CFAP20DC: variants seen among roughly 807,000 people sequenced by gnomAD.
CFAP20DC encodes CFAP20 domain containing.
In CFAP20DC, 84 loss-of-function variants were observed where a neutral mutation model predicts 101.7. That is an observed-to-expected ratio of 0.83 (90% confidence interval 0.69 to 0.99). CFAP20DC has a LOEUF of 0.99. Among genes scored for constraint, CFAP20DC ranks in the 50% least tolerant of loss-of-function variants. The pLI is 0.00. For synonymous variants in CFAP20DC, 359 were observed against 351.2 expected, an observed-to-expected ratio of 1.02 and a Z score of -0.25; for missense variants, 1,007 against 970.3, an observed-to-expected ratio of 1.04 and a Z score of -0.50.
chr3:58,777,316 T>C (rs370023841), intron 15 of CFAP20DC, among the ~76,000 whole-genome samples: 122 of 152,326 alleles, frequency 8.0e-4, no homozygotes, highest in Middle Eastern at 3.4e-3. Flanking sequence ...CTGATTGATG[T>C]CTGAAGTCTC....
intron 15 of CFAP20DC, among the ~76,000 whole-genome samples, chr3:58,777,788 G>A (rs1575613514): frequency 2.0e-5 from 3 of 152,238 alleles, no homozygotes; most frequent in African/African-American, 7.2e-5. Flanking sequence ...AGTAGAGCCT[G>A]TTGACCCTTG....
chr3:58,931,352 C>A (rs200893060), intron 5 of CFAP20DC, among the ~76,000 whole-genome samples: 1 of 150,868 alleles, frequency 6.6e-6, no homozygotes, highest in Non-Finnish European at 1.5e-5. Context: ...AGGGCACAGA[C>A]AAACAAAAAG....
intron 13 of CFAP20DC, among the ~76,000 whole-genome samples, chr3:58,835,313 G>A (rs1390209165): frequency 6.6e-6 from 1 of 152,094 alleles, no homozygotes; most frequent in Non-Finnish European, 1.5e-5. Flanking sequence ...ACCGCCCAGT[G>A]GAATTAGAAA....
At chr3:59,008,819 C>T (rs1419347846) in intron 4 of CFAP20DC, among the ~76,000 whole-genome samples, 1 of 151,670 alleles carries the variant, frequency 6.6e-6, no homozygotes, top group Non-Finnish European at 1.5e-5. Flanking sequence ...ATGTAACAAA[C>T]CTGCACATTG....
intron 15 of CFAP20DC, among the ~76,000 whole-genome samples, chr3:58,786,767 G>A (rs1033772365): frequency 7.7e-5 from 11 of 142,318 alleles, no homozygotes; most frequent in South Asian, 2.4e-4. Flanking sequence ...AAAAGTTCCC[G>A]ACTTAATAAG....
rs1432345718 is a variant in CFAP20DC, at chr3:59,001,839, T to C, written c.278+37718A>G. On this transcript the variant is annotated intron_variant, in intron 4 of 16. Coordinates refer to ENST00000482387, the MANE Select transcript of CFAP20DC (RefSeq NM_001394063.1). The surrounding 1 kb of genome is among the most constrained non-coding windows in gnomAD (Gnocchi z 4.5). ...GAAAGGGAAGTACCTGATGTTACTATAGTAATCAGTGGGCTTCCTGGGCTC... is the reference window on the plus strand; with the variant it reads ...GAAAGGGAAGTACCTGATGTTACTACAGTAATCAGTGGGCTTCCTGGGCTC... 2.0e-5 allele frequency among the ~76,000 whole-genome samples: 3 copies of C among 152,134 alleles called. No individual in the cohort carries two copies. Among genetic ancestry groups the C allele is most frequent in the African/African-American group, 7.2e-5 (3 of 41,416 alleles).
chr3:58,915,773 C>T (rs1319665088), intron 5 of CFAP20DC, among the ~76,000 whole-genome samples: 9 of 152,050 alleles, frequency 5.9e-5, no homozygotes, highest in Non-Finnish European at 2.9e-5. Context: ...AAGTTTGATA[C>T]GAAATACAGT....
At chr3:58,748,900 G>T (rs1446068089) in intron 16 of CFAP20DC, among the ~76,000 whole-genome samples, 1 of 152,138 alleles carries the variant, frequency 6.6e-6, no homozygotes, top group Admixed American at 6.6e-5. Flanking sequence ...ACCCAGGCTA[G>T]CCCCTTACCT....
At chr3:58,974,981 T>C (rs1209810950) in intron 4 of CFAP20DC, among the ~76,000 whole-genome samples, 1 of 152,206 alleles carries the variant, frequency 6.6e-6, no homozygotes. Context: ...CTTCGGCCTC[T>C]TGAACCTGGT....
At chr3:58,759,675 G>A (rs369423619) in intron 15 of CFAP20DC, among the ~76,000 whole-genome samples, 5 of 152,106 alleles carry the variant, frequency 3.3e-5, no homozygotes, top group African/African-American at 9.7e-5. Context: ...TAGGTCTAAC[G>A]TTTAAGTCTT....
intron 15 of CFAP20DC, among the ~76,000 whole-genome samples, chr3:58,779,527 T>A (rs758787478): frequency 6.6e-6 from 1 of 152,032 alleles, no homozygotes; most frequent in Non-Finnish European, 1.5e-5. Context: ...TATTAGTAGA[T>A]AGAAAATTCT....
chr3:58,952,930 G>A (rs186307539), intron 4 of CFAP20DC, among the ~76,000 whole-genome samples: 1 of 152,074 alleles, frequency 6.6e-6, no homozygotes, highest in Admixed American at 6.6e-5. Context: ...TAGATACTGG[G>A]GATTTCACAG....
At chr3:58,982,113 A>C (rs1347578077) in intron 4 of CFAP20DC, among the ~76,000 whole-genome samples, 1 of 152,172 alleles carries the variant, frequency 6.6e-6, no homozygotes, top group Admixed American at 6.5e-5. Context: ...AAAAATGCTC[A>C]CCATCACTGG....
rs2079839478 is a variant in CFAP20DC, at chr3:58,868,033, C to G, written c.1016-97G>C. Reference sequence around the variant, plus strand: ...TAATTATCACTATAATGAGAATATTCATGTATAATTTTGACATAATGTGAA... The same window carrying G: ...TAATTATCACTATAATGAGAATATTGATGTATAATTTTGACATAATGTGAA... On this transcript the variant is annotated intron_variant, in intron 9 of 16. Transcript: ENST00000482387. This position sits in a 1 kb window ranked among gnomAD's most constrained non-coding sequence, Gnocchi z 4.6. 7.6e-7 allele frequency: 1 copy of G among 1,312,888 alleles called. No homozygotes were observed. The highest frequency in any genetic ancestry group is 1.5e-5 in the African/African-American group (1 of 65,768). The allele number at this position is 1,312,888 out of a possible 1,614,324, so 81.3% of individuals were successfully genotyped here. A position where few individuals can be genotyped will look rare whatever the true frequency, so the allele number is the denominator to read the frequency against.
At position 59,014,538 on chromosome 3, in the gene CFAP20DC, A is replaced by G. The variant is rs1401787183; in HGVS notation, c.278+25019T>C. ...GTTGAAAAGCCTGAATTTTTCTGACAGTACTTGCAGTTAAATTTTATTTAA... is the reference window on the plus strand; with the variant it reads ...GTTGAAAAGCCTGAATTTTTCTGACGGTACTTGCAGTTAAATTTTATTTAA... On this transcript the variant is annotated intron_variant, in intron 4 of 16. Coordinates refer to ENST00000482387, the MANE Select transcript of CFAP20DC (RefSeq NM_001394063.1). The surrounding 1 kb of genome is among the most constrained non-coding windows in gnomAD (Gnocchi z 4.9). Among the ~76,000 whole-genome samples the G allele has an allele frequency of 6.6e-6, 1 of 152,194 alleles. No individual in the cohort carries two copies. Among genetic ancestry groups the G allele is most frequent in the Non-Finnish European group, 1.5e-5 (1 of 68,012 alleles).
chr3:58,904,378 C>A (rs1420744708), intron 6 of CFAP20DC, among the ~76,000 whole-genome samples: 1 of 151,902 alleles, frequency 6.6e-6, no homozygotes, highest in Non-Finnish European at 1.5e-5. Context: ...ATTCATGACC[C>A]ATTTTTGGTG....
chr3:58,869,578 C>A lies in CFAP20DC; in HGVS notation c.853-88G>T. 4.8e-6 allele frequency: 5 copies of A among 1,039,222 alleles called. No individual in the cohort carries two copies. The highest frequency in any genetic ancestry group is 5.3e-6 in the Non-Finnish European group (4 of 754,186). The allele number at this position is 1,039,222 out of a possible 1,614,324, so 64.4% of individuals were successfully genotyped here. ...TATATAGAAAACATAATATTTGGAC[C>A]AATGAAGAGTGAGAAAAAAACTAGA... On this transcript the variant is annotated intron_variant, in intron 8 of 16. Coordinates refer to ENST00000482387, the MANE Select transcript of CFAP20DC (RefSeq NM_001394063.1). The surrounding 1 kb of genome is among the most constrained non-coding windows in gnomAD (Gnocchi z 4.3).
intron 6 of CFAP20DC, among the ~76,000 whole-genome samples, chr3:58,885,932 T>C (rs573101963): frequency 2.6e-4 from 40 of 152,228 alleles, no homozygotes; most frequent in African/African-American, 9.6e-4. Context: ...AGTGCAGATG[T>C]CTCTCTGTAA....
intron 7 of CFAP20DC, among the ~76,000 whole-genome samples, chr3:58,872,755 A>G (rs1245042556): frequency 1.3e-5 from 2 of 152,024 alleles, no homozygotes; most frequent in Non-Finnish European, 2.9e-5. Flanking sequence ...CTTTCTCTAA[A>G]TATGTCTGGC....
Sources: allele counts gnomAD v4.1 joint callset (sites outside exome capture counted in the v4.1 genomes callset), GRCh38; gene constraint gnomAD v4.1.1; non-coding constraint Gnocchi (gnomAD v3.1); transcripts MANE v1.5; gene names NCBI Gene and HGNC (gene_info 2026-07-23, HGNC 2026-07-21).